Variants in ATAD5 observed in about 807,000 individuals in gnomAD.
ATAD5 encodes ATPase family AAA domain containing 5.
A neutral mutation model predicts 176.9 loss-of-function variants in ATAD5; 58 were observed. That is an observed-to-expected ratio of 0.33 (90% CI 0.27 to 0.41). ATAD5 has a LOEUF of 0.41. Among genes scored for constraint, ATAD5 ranks in the 10% least tolerant of loss-of-function variants. The pLI is 1.00. For synonymous variants in ATAD5, 640 were observed against 712.6 expected (o/e 0.90, Z 1.62); for missense variants, 1,789 against 2,094.1 (o/e 0.85, Z 2.84).
chr17:30,885,674 C>T (rs1175872966), intron 18 of ATAD5, among the ~76,000 whole-genome samples: 5 of 132,534 alleles, frequency 3.8e-5, no homozygotes, highest in African/African-American at 8.8e-5. Flanking sequence ...GCTCTTGTCG[C>T]CCAGGCTGGA....
At chr17:30,855,042 A>T in intron 6 of ATAD5, 101 bp from the exon 7 acceptor site, 1 of 1,100,504 alleles carries the variant, frequency 9.1e-7, no homozygotes, top group Non-Finnish European at 1.3e-6. Flanking sequence ...TACAGGCATG[A>T]GCCACCATGC....
chr17:30,884,429 T>TC (rs1909200161), intron 18 of ATAD5, among the ~76,000 whole-genome samples: 1 of 136,200 alleles, frequency 7.3e-6, no homozygotes, highest in Non-Finnish European at 1.6e-5. Flanking sequence ...CTTTTCTTTT[T>TC]TTTTTTTTTT....
At chr17:30,856,913 TATAA>T (rs1907320315) in intron 7 of ATAD5, 38 bp from the exon 8 acceptor site, 3 of 1,495,960 alleles carry the variant, frequency 2.0e-6, no homozygotes, top group Non-Finnish European at 2.7e-6. Context: ...ATGGATAGTG[TATAA>T]ATAAGGTTTA....
At chr17:30,878,791 G>GTAC (rs1195582265) in intron 17 of ATAD5, among the ~76,000 whole-genome samples, 8 of 132,820 alleles carry the variant, frequency 6.0e-5, no homozygotes. Context: ...GAGTGCAATG[G>GTAC]TACCATCTTG....
At chr17:30,869,918 T>G in intron 14 of ATAD5, 1 of 327,214 alleles carries the variant, frequency 3.1e-6, no homozygotes, top group East Asian at 8.1e-5. Context: ...ACAACCAGCC[T>G]AAGCAGCATA....
intron 14 of ATAD5, among the ~76,000 whole-genome samples, chr17:30,872,535 CTTTTTTTT>C (rs59593075): frequency 1.0e-5 from 1 of 98,054 alleles, no homozygotes; most frequent in Non-Finnish European, 2.6e-5. Flanking sequence ...GTTTCTTTTT[CTTTTTTTT>C]TTTCTTTTTT....
chr17:30,876,496 T>A lies in ATAD5; in HGVS notation c.3730T>A (p.Ser1244Thr). ...PKTLANYFKV[S>T]PKPKNNEEIG... ...AACCTTGGCAAATTATTTTAAAGTA[T>A]CTCCCAAACCTAAAAATAATGAAGA... Residue 1244 changes from serine (S) to threonine (T), a missense_variant, in exon 15 of 23, where the codon TCT (serine) becomes ACT (threonine). Ser to Thr is a moderately conservative substitution (Grantham distance 58). Transcript: ENST00000321990. 1 of 1,600,524 alleles carries A rather than the reference T, an allele frequency of 6.2e-7. No homozygotes were observed. Among genetic ancestry groups the A allele is most frequent in the Admixed American group, 1.7e-5 (1 of 59,652 alleles).
At chr17:30,834,063 T>C in intron 1 of ATAD5, 85 bp from the exon 2 acceptor site, 2 of 1,137,958 alleles carry the variant, frequency 1.8e-6, no homozygotes, top group Non-Finnish European at 2.4e-6. Flanking sequence ...AATCCTATTA[T>C]GTAAACTATT....
At position 30,841,298 on chromosome 17, in the gene ATAD5, A is replaced by G. The variant is rs554960242; in HGVS notation, c.2241+517A>G. Among the ~76,000 whole-genome samples the G allele has an allele frequency of 2.0e-5, 3 of 152,234 alleles. No homozygotes were observed. In the South Asian group the frequency reaches 6.2e-4, roughly 32 times the overall value. On this transcript the variant is annotated intron_variant, in intron 4 of 22. Transcript: ENST00000321990. Reference sequence around the variant, plus strand: ...GTGCCAGCCCTCTTGCCTTTCTTCAAAACGACTCTTTGCTCTAGTCACACA... The same window carrying G: ...GTGCCAGCCCTCTTGCCTTTCTTCAGAACGACTCTTTGCTCTAGTCACACA...
intron 9 of ATAD5, among the ~76,000 whole-genome samples, chr17:30,858,587 T>A (rs1015219678): frequency 1.3e-5 from 2 of 152,038 alleles, no homozygotes; most frequent in Admixed American, 1.3e-4. Context: ...GGTTTCACCA[T>A]GTTGGCCAGG....
intron 10 of ATAD5, chr17:30,862,947 T>C (rs1907729245): frequency 6.6e-6 from 1 of 151,872 alleles, no homozygotes; most frequent in Admixed American, 6.6e-5. Flanking sequence ...TCCCAGCACT[T>C]TGAGAGGCCG....
At chr17:30,851,401 C>T (rs1371994540) in intron 6 of ATAD5, among the ~76,000 whole-genome samples, 2 of 149,246 alleles carry the variant, frequency 1.3e-5, no homozygotes, top group Non-Finnish European at 3.0e-5. Context: ...GAGGCTGAGG[C>T]AGGAGAATGG....
In ATAD5 at chr17:30,857,075, T is replaced by C; in HGVS notation, c.2756T>C (p.Leu919Ser). Residue 919 changes from leucine to serine, a missense_variant, in exon 8 of 23, where the codon TTG becomes TCG. By Grantham distance (145) the Leu-to-Ser change is moderately radical (BLOSUM62 -2). Around this residue, in one of 6 missense-constraint regions of ATAD5, gnomAD observed 487 missense variants for 573.6 expected, o/e 0.85. Coordinates refer to ENST00000321990, the MANE Select transcript of ATAD5 (RefSeq NM_024857.5). ...ATTGCTCTTGGTGAATTTTCAACAT[T>C]GAATTCAAAGTTGAAAAGCGGTAAC... ...CGIALGEFSTLNSKLKSGNSA... is the reference protein window; with the variant it reads ...CGIALGEFSTSNSKLKSGNSA... 1 of 1,611,602 alleles carries C rather than the reference T, an allele frequency of 6.2e-7. No individual in the cohort carries two copies. Among genetic ancestry groups the C allele is most frequent in the Non-Finnish European group, 8.5e-7 (1 of 1,179,550 alleles).
intron 18 of ATAD5, among the ~76,000 whole-genome samples, chr17:30,882,429 A>G (rs543047473): frequency 1.3e-5 from 2 of 151,958 alleles, no homozygotes; most frequent in South Asian, 4.2e-4. Flanking sequence ...CTGGATGTAA[A>G]AAGAAAAAAA....
At chr17:30,854,662 A>G (rs986996282) in intron 6 of ATAD5, among the ~76,000 whole-genome samples, 5 of 152,022 alleles carry the variant, frequency 3.3e-5, no homozygotes, top group South Asian at 2.1e-4. Context: ...GTGAGCCACC[A>G]TGCCCTGCCA....
chr17:30,856,522 C>T (rs974513100), intron 7 of ATAD5, among the ~76,000 whole-genome samples: 3 of 152,142 alleles, frequency 2.0e-5, no homozygotes, highest in African/African-American at 7.2e-5. Context: ...GATCTCAGCT[C>T]ACTGCAACCT....
intron 14 of ATAD5, among the ~76,000 whole-genome samples, chr17:30,871,288 A>G (rs1048821968): frequency 6.6e-6 from 1 of 150,968 alleles, no homozygotes; most frequent in African/African-American, 2.4e-5. Flanking sequence ...GTTTTTGAAC[A>G]TATGGAATAC....
At chr17:30,860,277 A>ACCT (rs1238974912) in intron 9 of ATAD5, among the ~76,000 whole-genome samples, 156 bp from the exon 10 acceptor site, 15 of 151,588 alleles carry the variant, frequency 9.9e-5, no homozygotes, top group Non-Finnish European at 8.8e-5. Flanking sequence ...GCTCACCTCA[A>ACCT]CCTCCCAAAG....
chr17:30,866,895 A>T (rs1443941846), intron 11 of ATAD5, among the ~76,000 whole-genome samples: 1 of 152,170 alleles, frequency 6.6e-6, no homozygotes, highest in Non-Finnish European at 1.5e-5. Context: ...GTATTATGTA[A>T]TATGCAGTAT....
Sources: allele counts gnomAD v4.1 joint callset (sites outside exome capture counted in the v4.1 genomes callset), GRCh38; gene constraint gnomAD v4.1.1; regional missense constraint gnomAD v4.1.1; transcripts MANE v1.5; gene names NCBI Gene and HGNC (gene_info 2026-07-23, HGNC 2026-07-21).